ANKS1B: variants seen among roughly 807,000 people sequenced by gnomAD.
ANKS1B encodes ankyrin repeat and sterile alpha motif domain-containing protein 1B.
Under a neutral mutation model 148.3 loss-of-function variants are expected in ANKS1B, and 36 were observed. The observed-to-expected ratio is 0.24, with a 90% CI of 0.19 to 0.32. The LOEUF is 0.32. ANKS1B is among the 10% of genes least tolerant of loss of function. The pLI is 1.00. For synonymous variants in ANKS1B, 542 were observed against 560.8 expected (o/e 0.97, Z 0.47); for missense variants, 1,157 against 1,542.6 (o/e 0.75, Z 4.19).
At chr12:99,879,099 G>A (rs2092321741) in intron 1 of ANKS1B, among the ~76,000 whole-genome samples, 1 of 152,148 alleles carries the variant, frequency 6.6e-6, no homozygotes, top group Non-Finnish European at 1.5e-5. Context: ...AGCTTAATGA[G>A]TAGTAAGCTT....
At chr12:99,631,755 C>T (rs987191847) in intron 9 of ANKS1B, among the ~76,000 whole-genome samples, 7 of 152,080 alleles carry the variant, frequency 4.6e-5, no homozygotes, top group Admixed American at 4.6e-4. Flanking sequence ...TTACTTTTGG[C>T]TGCTTACACT....
intron 9 of ANKS1B, among the ~76,000 whole-genome samples, chr12:99,611,852 T>C (rs1266675103): frequency 6.6e-6 from 1 of 152,036 alleles, no homozygotes; most frequent in Non-Finnish European, 1.5e-5. Context: ...TAAAGCAAAA[T>C]TAGTGAAATA....
At chr12:99,240,359 C>A (rs2089027591) in intron 14 of ANKS1B, among the ~76,000 whole-genome samples, 1 of 152,146 alleles carries the variant, frequency 6.6e-6, no homozygotes. Flanking sequence ...ACAAGAAGAG[C>A]TAACTATCCT....
chr12:99,518,999 AT>A (rs2096849490), intron 9 of ANKS1B, among the ~76,000 whole-genome samples: 1 of 152,012 alleles, frequency 6.6e-6, no homozygotes. Context: ...ATTTCAGGGC[AT>A]ATTGTTTAAT....
intron 12 of ANKS1B, among the ~76,000 whole-genome samples, chr12:99,303,716 T>G (rs1002049487): frequency 6.6e-6 from 1 of 152,128 alleles, no homozygotes; most frequent in Non-Finnish European, 1.5e-5. Context: ...TTCTGAGATT[T>G]TGGTGCACCC....
intron 8 of ANKS1B, among the ~76,000 whole-genome samples, chr12:99,717,928 G>A (rs71440828): frequency 0.2 from 26,508 of 131,476 alleles, 2,948 homozygotes; most frequent in South Asian, 0.26. Flanking sequence ...TTTTGAGACG[G>A]AGTCTCGCTC....
chr12:99,194,946 C>T (rs944349136), intron 14 of ANKS1B, among the ~76,000 whole-genome samples: 1 of 151,882 alleles, frequency 6.6e-6, no homozygotes, highest in Non-Finnish European at 1.5e-5. Context: ...TTCTTTACTT[C>T]TGTATATATT....
At chr12:99,377,432 T>C (rs1459694913) in intron 12 of ANKS1B, among the ~76,000 whole-genome samples, 3 of 152,176 alleles carry the variant, frequency 2.0e-5, no homozygotes, top group African/African-American at 4.8e-5. Flanking sequence ...GAAAACATTG[T>C]AGACAGTTTT....
downstream of ANKS1B, among the ~76,000 whole-genome samples, chr12:98,740,499 A>G (rs1333288685): frequency 6.6e-6 from 1 of 152,154 alleles, no homozygotes; most frequent in Non-Finnish European, 1.5e-5. Context: ...TTTCCTGCTC[A>G]GGTTTGGTGG....
At chr12:98,991,845 T>C (rs1296089629) in intron 17 of ANKS1B, among the ~76,000 whole-genome samples, 3 of 152,182 alleles carry the variant, frequency 2.0e-5, no homozygotes, top group African/African-American at 7.2e-5. Flanking sequence ...TATATTCACA[T>C]ACACACACAC....
chr12:99,480,369 T>C (rs1390440904), intron 10 of ANKS1B, among the ~76,000 whole-genome samples: 1 of 151,884 alleles, frequency 6.6e-6, no homozygotes, highest in Non-Finnish European at 1.5e-5. Flanking sequence ...TACTTCAAAC[T>C]GTGCAATAAA....
chr12:99,794,497 T>C (rs1248138299), intron 4 of ANKS1B, among the ~76,000 whole-genome samples: 3 of 64,164 alleles, frequency 4.7e-5, no homozygotes, highest in Non-Finnish European at 1.0e-4. Flanking sequence ...ACACATTTTC[T>C]TGGAGTACTA....
At chr12:99,386,069 C>A (rs1253117016) in intron 12 of ANKS1B, among the ~76,000 whole-genome samples, 1 of 152,124 alleles carries the variant, frequency 6.6e-6, no homozygotes, top group Non-Finnish European at 1.5e-5. Context: ...AAATAGAACC[C>A]AGACATCTGT....
rs867202442 is a variant in ANKS1B at position 98,829,128 on chromosome 12, T to C, written c.3066+46A>G. 2 of 1,609,518 alleles carry C rather than the reference T, an allele frequency of 1.2e-6. No homozygotes were observed. Among genetic ancestry groups the C allele is most frequent in the Non-Finnish European group, 1.7e-6 (2 of 1,176,548 alleles). On this transcript the variant is annotated intron_variant, in intron 19 of 26. Transcript: ENST00000683438. This position sits in a 1 kb window ranked among gnomAD's most constrained non-coding sequence, Gnocchi z 5.2. Reference sequence around the variant, plus strand: ...GCTACTGTTCACTATTAAAAGGCATTACCTGATATGGTTGAAAAATATCAC... The same window carrying C: ...GCTACTGTTCACTATTAAAAGGCATCACCTGATATGGTTGAAAAATATCAC...
intron 1 of ANKS1B, among the ~76,000 whole-genome samples, chr12:99,979,768 T>C (rs961598492): frequency 2.6e-4 from 39 of 152,172 alleles, no homozygotes; most frequent in Admixed American, 2.2e-3. Flanking sequence ...GTAGATAAAA[T>C]ACCTCACAAT....
At chr12:98,889,582 A>C (rs1291588922) in intron 17 of ANKS1B, among the ~76,000 whole-genome samples, 2 of 152,184 alleles carry the variant, frequency 1.3e-5, no homozygotes. Context: ...CCGGGGCTCA[A>C]GTGATCCACC....
chr12:98,779,480 G>A (rs1382585602), intron 24 of ANKS1B, among the ~76,000 whole-genome samples: 1 of 152,088 alleles, frequency 6.6e-6, no homozygotes, highest in African/African-American at 2.4e-5. Flanking sequence ...GAAATTGTCA[G>A]AATCCAAGTC....
intron 1 of ANKS1B, among the ~76,000 whole-genome samples, chr12:99,948,819 G>T (rs768283481): frequency 6.6e-6 from 1 of 152,176 alleles, no homozygotes; most frequent in Non-Finnish European, 1.5e-5. Context: ...AAATCAGAAT[G>T]CTTCAGCTAA....
At chr12:99,688,266 C>T (rs543440534) in intron 8 of ANKS1B, among the ~76,000 whole-genome samples, 2 of 152,296 alleles carry the variant, frequency 1.3e-5, no homozygotes, top group Admixed American at 6.5e-5. Flanking sequence ...ATTCAAGCTA[C>T]CTGAAATCTA....
Sources: gnomAD v4.1 joint callset for allele counts (sites outside exome capture counted in the v4.1 genomes callset) on GRCh38, gnomAD v4.1.1 for gene constraint, Gnocchi (gnomAD v3.1) non-coding constraint, MANE v1.5 for transcripts, NCBI Gene and HGNC (gene_info 2026-07-23, HGNC 2026-07-21) for gene names.